BCAS3: variants seen among roughly 807,000 people sequenced by gnomAD.
The protein encoded by BCAS3 is BCAS4/BCAS3 fusion.
In BCAS3, 53 loss-of-function variants were observed where a neutral mutation model predicts 116.1. That is an observed-to-expected ratio of 0.46 (90% CI 0.37 to 0.57). BCAS3 has a LOEUF of 0.57. BCAS3 is among the 20% of genes least tolerant of loss of function. The pLI is 0.00. For missense variants in BCAS3, 917 were observed against 1,165.4 expected (o/e 0.79, Z 3.10); for synonymous variants, 391 against 408.2 (o/e 0.96, Z 0.51).
intron 22 of BCAS3, among the ~76,000 whole-genome samples, chr17:61,299,019 C>T (rs561102192): frequency 3.5e-4 from 53 of 151,428 alleles, no homozygotes; most frequent in Non-Finnish European, 6.2e-4. Context: ...GATGAGATTT[C>T]GCCATGGTGG....
intron 16 of BCAS3, among the ~76,000 whole-genome samples, chr17:61,031,856 T>A (rs547286180): frequency 6.6e-6 from 1 of 152,234 alleles, no homozygotes; most frequent in African/African-American, 2.4e-5. Flanking sequence ...TTTACTGAAA[T>A]TAAGCATAGT....
chr17:61,361,650 G>C lies in BCAS3; in HGVS notation c.2426-6677G>C, dbSNP rs2058458314. On this transcript the variant is annotated intron_variant, in intron 22 of 23. Coordinates refer to ENST00000407086, the MANE Select transcript of BCAS3 (RefSeq NM_017679.5). The surrounding 1 kb of genome is among the most constrained non-coding windows in gnomAD (Gnocchi z 6.5). ...TTCTCTAAGGAAACAACTAATAAAA[G>C]AGATATCTCCAGAGATGCATAGATA... 6.6e-6 allele frequency: 1 copy of C among 152,116 alleles called. No individual in the cohort carries two copies. Among genetic ancestry groups the C allele is most frequent in the African/African-American group, 2.4e-5 (1 of 41,418 alleles). 9.4% of individuals were successfully genotyped at this position (152,116 alleles called of 1,614,324 possible).
At chr17:61,099,514 C>T (rs1048290929) in intron 22 of BCAS3, among the ~76,000 whole-genome samples, 1 of 152,120 alleles carries the variant, frequency 6.6e-6, no homozygotes, top group African/African-American at 2.4e-5. Context: ...GATCACTATT[C>T]CTTTGTATGG....
At chr17:60,881,100 G>A (rs1246164036) in intron 9 of BCAS3, among the ~76,000 whole-genome samples, 2 of 151,926 alleles carry the variant, frequency 1.3e-5, no homozygotes, top group Admixed American at 6.6e-5. Context: ...TCAGCTTCCC[G>A]AGTAGCTGGG....
At chr17:61,001,187 G>A (rs1275388179) in intron 15 of BCAS3, among the ~76,000 whole-genome samples, 1 of 152,118 alleles carries the variant, frequency 6.6e-6, no homozygotes, top group Non-Finnish European at 1.5e-5. Context: ...AGTAGTTGAT[G>A]AGACTCGGAG....
chr17:61,192,190 G>A (rs1384573737), intron 22 of BCAS3, among the ~76,000 whole-genome samples: 3 of 129,644 alleles, frequency 2.3e-5, no homozygotes, highest in Non-Finnish European at 4.7e-5. Context: ...AAGTTGCAGT[G>A]AGCCGAGATT....
intron 7 of BCAS3, among the ~76,000 whole-genome samples, chr17:60,816,142 A>G (rs904581384): frequency 6.6e-6 from 1 of 152,226 alleles, no homozygotes; most frequent in Non-Finnish European, 1.5e-5. Flanking sequence ...TCCCTGGCAC[A>G]TACTTTATTG....
At chr17:61,093,979 G>A (rs372103755) in intron 22 of BCAS3, among the ~76,000 whole-genome samples, 4 of 152,164 alleles carry the variant, frequency 2.6e-5, no homozygotes, top group Non-Finnish European at 5.9e-5. Context: ...GGTCTATTAA[G>A]TCAAAATTAT....
intron 22 of BCAS3, among the ~76,000 whole-genome samples, chr17:61,169,144 A>G (rs1568494791): frequency 6.6e-6 from 1 of 152,328 alleles, no homozygotes; most frequent in East Asian, 1.9e-4. Flanking sequence ...ATTAAGAAAG[A>G]TGTTTTCTCA....
At chr17:60,795,776 G>A (rs748369737) in intron 6 of BCAS3, among the ~76,000 whole-genome samples, 7 of 152,068 alleles carry the variant, frequency 4.6e-5, no homozygotes, top group African/African-American at 7.2e-5. Context: ...TGTAGCCTCC[G>A]CCTCCTGGGT....
rs931846067 is a variant in BCAS3 at position 61,355,856 on chromosome 17, G to A, written c.2426-12471G>A. ...TTCAGTTCCTTGTTTTTCCATTGAAGGAATTGCTAGGTTTCCGAGGATAGT... is the reference window on the plus strand; with the variant it reads ...TTCAGTTCCTTGTTTTTCCATTGAAAGAATTGCTAGGTTTCCGAGGATAGT... On this transcript the variant is annotated intron_variant, in intron 22 of 23. Coordinates refer to ENST00000407086, the MANE Select transcript of BCAS3 (RefSeq NM_017679.5). This position sits in a 1 kb window ranked among gnomAD's most constrained non-coding sequence, Gnocchi z 4.2. 3.3e-5 allele frequency among the ~76,000 whole-genome samples: 5 copies of A among 152,160 alleles called. No individual in the cohort carries two copies. Among genetic ancestry groups the A allele is most frequent in the African/African-American group, 1.2e-4 (5 of 41,440 alleles).
In BCAS3 at chr17:61,276,700, C is replaced by A. The variant is rs148136750; in HGVS notation, c.2426-91627C>A. 6.6e-6 allele frequency among the ~76,000 whole-genome samples: 1 copy of A among 152,240 alleles called. No homozygotes were observed. Among genetic ancestry groups the A allele is most frequent in the African/African-American group, 2.4e-5 (1 of 41,536 alleles). ...AAGCTGACTTATTTGCAGAAATTGA[C>A]AAGCTGATCCTAAAATTTACATATA... is the stretch of plus-strand genomic sequence containing the variant. On this transcript the variant is annotated intron_variant, in intron 22 of 23. Transcript: ENST00000407086. The surrounding 1 kb of genome is among the most constrained non-coding windows in gnomAD (Gnocchi z 4.2).
Position 61,134,156 on chromosome 17 carries a change from A to G in BCAS3, c.2425+49592A>G, listed in dbSNP as rs1380911118. Among the ~76,000 whole-genome samples the G allele has an allele frequency of 6.6e-6, 1 of 152,216 alleles. No homozygotes were observed. Among genetic ancestry groups the G allele is most frequent in the East Asian group, 1.9e-4 (1 of 5,202 alleles). On this transcript the variant is annotated intron_variant, in intron 22 of 23. Coordinates refer to ENST00000407086, the MANE Select transcript of BCAS3 (RefSeq NM_017679.5). The surrounding 1 kb of genome is among the most constrained non-coding windows in gnomAD (Gnocchi z 4.6). ...TGCTATAGTCTGGCCAGTATGAATT[A>G]AATAAAAGTCACATTCATAATGAAC...
chr17:60,808,133 A>G (rs1166516402), intron 7 of BCAS3, 57 bp downstream of exon 7: 1 of 1,197,332 alleles, frequency 8.4e-7, no homozygotes, highest in Non-Finnish European at 1.2e-6. Context: ...ATTATTCCAG[A>G]GGGAGAACTT....
At chr17:61,270,112 ATTTTTTTT>A (rs1202865412) in intron 22 of BCAS3, among the ~76,000 whole-genome samples, 2 of 68,814 alleles carry the variant, frequency 2.9e-5, no homozygotes, top group South Asian at 8.5e-4. Flanking sequence ...GCCTTCTGCC[ATTTTTTTT>A]TTTTTTTTTT....
rs550816918 is a variant in BCAS3 at position 60,960,299 on chromosome 17, T to C, written c.1221+12947T>C. On this transcript the variant is annotated intron_variant, in intron 14 of 23. Coordinates refer to ENST00000407086, the MANE Select transcript of BCAS3 (RefSeq NM_017679.5). This position sits in a 1 kb window ranked among gnomAD's most constrained non-coding sequence, Gnocchi z 4.1. ...TATTATCGGCTCAAAGGTCCAATCTTATCATCTCAATCATCTGACTCTGGT... is the reference window on the plus strand; with the variant it reads ...TATTATCGGCTCAAAGGTCCAATCTCATCATCTCAATCATCTGACTCTGGT... 6.6e-6 allele frequency among the ~76,000 whole-genome samples: 1 copy of C among 152,278 alleles called. No individual in the cohort carries two copies. Among genetic ancestry groups the C allele is most frequent in the Admixed American group, 6.5e-5 (1 of 15,300 alleles).
In BCAS3 at chr17:61,332,387, GC is replaced by G. The variant is rs761169993; in HGVS notation, c.2426-35939del. Among the ~76,000 whole-genome samples, 29 of 152,132 alleles carry G rather than the reference GC, an allele frequency of 1.9e-4. No homozygotes were observed. The highest frequency in any genetic ancestry group is 3.2e-4 in the Non-Finnish European group (22 of 68,030). On this transcript the variant is annotated intron_variant, in intron 22 of 23. Transcript: ENST00000407086. This position sits in a 1 kb window ranked among gnomAD's most constrained non-coding sequence, Gnocchi z 5.4. The stretch of plus-strand genomic sequence containing the variant: ...CCTCCCTCCACCATCCGAGAGGTCA[GC>G]TTCCTTCACCATGGGAGCCCCTGCT...
In BCAS3 at chr17:61,219,311, G is replaced by A. The variant is rs1311491351; in HGVS notation, c.2425+134747G>A. Among the ~76,000 whole-genome samples the A allele has an allele frequency of 6.6e-6, 1 of 152,162 alleles. No homozygotes were observed. Among genetic ancestry groups the A allele is most frequent in the African/African-American group, 2.4e-5 (1 of 41,434 alleles). ...ATACCCTGGAGAGGAACATTCCAGTGATTCCTTTCTGGGCATATTTCCTAG... is the reference window on the plus strand; with the variant it reads ...ATACCCTGGAGAGGAACATTCCAGTAATTCCTTTCTGGGCATATTTCCTAG... On this transcript the variant is annotated intron_variant, in intron 22 of 23. Transcript: ENST00000407086. This position sits in a 1 kb window ranked among gnomAD's most constrained non-coding sequence, Gnocchi z 5.2.
Position 61,144,504 on chromosome 17 carries a change from A to G in BCAS3, c.2425+59940A>G, listed in dbSNP as rs2077092398. Among the ~76,000 whole-genome samples the G allele has an allele frequency of 6.6e-6, 1 of 152,222 alleles. No homozygotes were observed. The highest frequency in any genetic ancestry group is 2.4e-5 in the African/African-American group (1 of 41,460). Reference sequence around the variant, plus strand: ...ATGCAAAAGTGTTAGACATCCAGTAAGCAGCCCTTTTTAGGCCTAAAATGT... The same window carrying G: ...ATGCAAAAGTGTTAGACATCCAGTAGGCAGCCCTTTTTAGGCCTAAAATGT... On this transcript the variant is annotated intron_variant, in intron 22 of 23. Coordinates refer to ENST00000407086, the MANE Select transcript of BCAS3 (RefSeq NM_017679.5). The surrounding 1 kb of genome is among the most constrained non-coding windows in gnomAD (Gnocchi z 5.0).
Sources: gnomAD v4.1 joint callset for allele counts (sites outside exome capture counted in the v4.1 genomes callset) on GRCh38, gnomAD v4.1.1 for gene constraint, Gnocchi (gnomAD v3.1) non-coding constraint, MANE v1.5 for transcripts, NCBI Gene and HGNC (gene_info 2026-07-23, HGNC 2026-07-21) for gene names.